The following NCALD variants were observed in gnomAD, a reference collection of about 807,000 sequenced individuals.
The protein encoded by NCALD is neurocalcin delta.
A neutral mutation model predicts 18.6 loss-of-function variants in NCALD; 10 were observed. The ratio of observed to expected loss-of-function variants is 0.54; its 90% CI spans 0.33 to 0.91. The LOEUF is 0.91. Among genes scored for constraint, NCALD ranks in the 40% least tolerant of loss-of-function variants. The pLI is 0.03. For synonymous variants in NCALD, 88 were observed against 87.4 expected (o/e 1.01, Z -0.04); for missense variants, 184 against 247.6 (o/e 0.74, Z 1.72).
chr8:102,046,064 A>G (rs1381669924), intron 1 of NCALD, among the ~76,000 whole-genome samples: 1 of 152,236 alleles, frequency 6.6e-6, no homozygotes, highest in African/African-American at 2.4e-5. Flanking sequence ...ACAGTTATTA[A>G]TTTTGCTTTT....
At chr8:101,747,076 C>T (rs926250439) in intron 1 of NCALD, among the ~76,000 whole-genome samples, 4 of 152,140 alleles carry the variant, frequency 2.6e-5, no homozygotes, top group African/African-American at 9.7e-5. Flanking sequence ...CAACATGAAA[C>T]CCAGTTTAGA....
At chr8:101,851,890 G>A (rs1397574921) in intron 4 of NCALD, among the ~76,000 whole-genome samples, 1 of 152,130 alleles carries the variant, frequency 6.6e-6, no homozygotes, top group Non-Finnish European at 1.5e-5. Context: ...AAGAGGTGGG[G>A]CTTTTCGAGA....
intron 2 of NCALD, among the ~76,000 whole-genome samples, chr8:101,712,652 T>C (rs1388126764): frequency 6.7e-6 from 1 of 149,144 alleles, no homozygotes; most frequent in East Asian, 2.0e-4. Context: ...AAACAGACTT[T>C]AAATCAACAA....
At chr8:102,043,487 A>C (rs1158007197) in intron 1 of NCALD, among the ~76,000 whole-genome samples, 1 of 151,908 alleles carries the variant, frequency 6.6e-6, no homozygotes, top group East Asian at 1.9e-4. Context: ...GATGCAAGCA[A>C]AATGCTGTAA....
intron 4 of NCALD, among the ~76,000 whole-genome samples, chr8:101,846,272 C>G (rs1814864890): frequency 6.6e-6 from 1 of 152,112 alleles, no homozygotes; most frequent in Admixed American, 6.5e-5. Context: ...ATGGGTATGC[C>G]TATTTATATT....
intron 1 of NCALD, among the ~76,000 whole-genome samples, chr8:101,728,102 A>G (rs1202254158): frequency 6.6e-6 from 1 of 152,230 alleles, no homozygotes; most frequent in Non-Finnish European, 1.5e-5. Context: ...AGGAACTACT[A>G]TCAGGAATCT....
At chr8:101,877,714 G>A (rs1025029399) in intron 4 of NCALD, among the ~76,000 whole-genome samples, 7 of 152,054 alleles carry the variant, frequency 4.6e-5, no homozygotes, top group Non-Finnish European at 8.8e-5. Context: ...AAGTGACTTT[G>A]GGCAAATGAA....
intron 1 of NCALD, among the ~76,000 whole-genome samples, chr8:102,056,346 A>T (rs1017003371): frequency 6.6e-6 from 1 of 152,198 alleles, no homozygotes; most frequent in Non-Finnish European, 1.5e-5. Flanking sequence ...TAGCCACAAG[A>T]TATGAGGAAG....
chr8:101,690,180 C>T (rs1169676303), intron 3 of NCALD: 1 of 855,210 alleles, frequency 1.2e-6, no homozygotes, highest in Admixed American at 9.5e-5. Context: ...CCAGGAAGGC[C>T]TGTCACTTGT....
At chr8:101,788,561 C>A (rs1362852927) in intron 1 of NCALD, 1 of 152,280 alleles carries the variant, frequency 6.6e-6, no homozygotes, top group East Asian at 1.9e-4. Context: ...AAGCATGTAT[C>A]ACAATTTTGT....
intron 1 of NCALD, among the ~76,000 whole-genome samples, chr8:102,086,616 T>C (rs553133367): frequency 6.6e-6 from 1 of 152,280 alleles, no homozygotes; most frequent in East Asian, 1.9e-4. Context: ...CAATCCATCC[T>C]CTATAAGTGT....
chr8:101,704,301 T>C (rs1815407833), intron 2 of NCALD, among the ~76,000 whole-genome samples: 1 of 152,050 alleles, frequency 6.6e-6, no homozygotes, highest in South Asian at 2.1e-4. Flanking sequence ...GCAATCTACT[T>C]GAAATTAACA....
intron 2 of NCALD, among the ~76,000 whole-genome samples, chr8:101,925,795 T>C (rs147035909): frequency 0.013 from 2,031 of 152,266 alleles, 25 homozygotes; most frequent in Non-Finnish European, 0.021. Flanking sequence ...AATGAATGCA[T>C]GAGTGAATCA....
At position 102,118,481 on chromosome 8, in the gene NCALD, T is replaced by C. The variant is rs189399646; in HGVS notation, c.-210+5756A>G. On this transcript the variant is annotated intron_variant, in intron 1 of 6. Transcript: ENST00000311028. ...GGGATGCTGGAGGAGGAATCTTTCA[T>C]AGGATTTAGCAGAATTAATCAATAC... Among the ~76,000 whole-genome samples, 285 of 152,352 alleles carry C rather than the reference T, an allele frequency of 1.9e-3. 2 individuals are homozygous for C. Among genetic ancestry groups the C allele is most frequent in the African/African-American group, 6.4e-3 (268 of 41,586 alleles).
At chr8:101,771,708 C>T (rs1341367513) in intron 1 of NCALD, among the ~76,000 whole-genome samples, 1 of 152,128 alleles carries the variant, frequency 6.6e-6, no homozygotes, top group East Asian at 1.9e-4. Flanking sequence ...CATTTTGGAT[C>T]AGTGAGAAAA....
rs1480006832 is a variant in NCALD at position 101,977,455 on chromosome 8, A to G, written c.-157+42782T>C. Reference sequence around the variant, plus strand: ...GAATTTTTGTTGTTAAGTTCCCCGAAGAAATTTTCTAAGTACTCAAATTGC... The same window carrying G: ...GAATTTTTGTTGTTAAGTTCCCCGAGGAAATTTTCTAAGTACTCAAATTGC... On this transcript the variant is annotated intron_variant, in intron 2 of 6. Coordinates refer to the NCALD transcript ENST00000311028. Among the ~76,000 whole-genome samples the G allele has an allele frequency of 4.6e-5, 7 of 152,216 alleles. No homozygotes were observed. The East Asian group carries it at 1.3e-3, about 29-fold the overall frequency.
intron 1 of NCALD, among the ~76,000 whole-genome samples, chr8:102,121,694 A>T (rs1307493220): frequency 2.0e-5 from 3 of 152,220 alleles, no homozygotes; most frequent in Non-Finnish European, 4.4e-5. Flanking sequence ...GTAAGGAAAG[A>T]GAAGGGTTCA....
intron 1 of NCALD, among the ~76,000 whole-genome samples, chr8:101,761,330 CAA>C (rs759337121): frequency 2.0e-4 from 31 of 152,276 alleles, no homozygotes; most frequent in Admixed American, 6.5e-5. Flanking sequence ...GCCATTTAGT[CAA>C]AGTTTATTTT....
intron 1 of NCALD, among the ~76,000 whole-genome samples, chr8:102,051,445 C>A (rs1823456563): frequency 6.6e-6 from 1 of 152,144 alleles, no homozygotes; most frequent in African/African-American, 2.4e-5. Context: ...CAAAGCAATT[C>A]TCACAGTTTC....
Sources: gnomAD v4.1 joint callset for allele counts (sites outside exome capture counted in the v4.1 genomes callset) on GRCh38, gnomAD v4.1.1 for gene constraint, MANE v1.5 for transcripts, NCBI Gene and HGNC (gene_info 2026-07-23, HGNC 2026-07-21) for gene names.